The following FLNB variants were observed in gnomAD, a reference collection of about 807,000 sequenced individuals.
FLNB encodes filamin-B.
A neutral mutation model predicts 250.6 loss-of-function variants in FLNB; 111 were observed. That is an observed-to-expected ratio of 0.44 (90% CI 0.38 to 0.52). The LOEUF is 0.52. Among genes scored for constraint, FLNB ranks in the 20% least tolerant of loss-of-function variants. The pLI, the probability that FLNB is intolerant of heterozygous loss-of-function variation, is 0.00. For missense variants in FLNB, 2,869 were observed against 3,447.8 expected (o/e 0.83, Z 4.20); for synonymous variants, 1,302 against 1,372.1 (o/e 0.95, Z 1.13).
chr3:58,168,717 TCAATCATA>T, intron 44 of FLNB, 59 bp downstream of exon 44: 1 of 1,229,920 alleles, frequency 8.1e-7, no homozygotes, highest in Non-Finnish European at 1.2e-6. Flanking sequence ...TTGTGTCAGA[TCAATCATA>T]GTGGAAACTA....
At chr3:58,095,763 C>T (rs1522383) in intron 5 of FLNB, among the ~76,000 whole-genome samples, 64,794 of 152,122 alleles carry the variant, frequency 0.43, 15,348 homozygotes, top group East Asian at 0.92. Context: ...TTTCCCCCAC[C>T]GGGGCAGGGA....
chr3:58,113,112 T>C (rs2097271832), intron 18 of FLNB, among the ~76,000 whole-genome samples: 1 of 152,264 alleles, frequency 6.6e-6, no homozygotes, highest in African/African-American at 2.4e-5. Flanking sequence ...AGTGCATTCA[T>C]TATGTCGTGC....
At chr3:58,144,174 G>A (rs1485507942) in intron 32 of FLNB, among the ~76,000 whole-genome samples, 3 of 152,166 alleles carry the variant, frequency 2.0e-5, no homozygotes, top group South Asian at 2.1e-4. Context: ...AAAATGATAC[G>A]AAGAAAGTTT....
intron 12 of FLNB, among the ~76,000 whole-genome samples, chr3:58,107,270 A>G (rs2097261214): frequency 6.6e-6 from 1 of 152,064 alleles, no homozygotes; most frequent in South Asian, 2.1e-4. Context: ...GCCTCAAGTG[A>G]TCCACCCGCC....
chr3:58,121,362 T>C lies in FLNB; in HGVS notation c.2985T>C (p.Pro995=). 1 of 1,614,094 alleles carries C rather than the reference T, an allele frequency of 6.2e-7. No homozygotes were observed. The highest frequency in any genetic ancestry group is 8.5e-7 in the Non-Finnish European group (1 of 1,180,014). The part of the protein sequence containing the change: ...SRKVVPCLVT[P]VTGRENSTAK... ...AGGTCGTGCCATGCCTAGTGACACCTGTGACAGGCCGGGAGAACAGCACGG... is the reference window on the plus strand; with the variant it reads ...AGGTCGTGCCATGCCTAGTGACACCCGTGACAGGCCGGGAGAACAGCACGG... Residue 995 remains proline, a synonymous_variant, in exon 20 of 46, where the codon CCT becomes CCC. Coordinates refer to ENST00000295956, the MANE Select transcript of FLNB (RefSeq NM_001457.4).
intron 3 of FLNB, among the ~76,000 whole-genome samples, chr3:58,081,243 G>C (rs2097208908): frequency 6.6e-6 from 1 of 152,100 alleles, no homozygotes; most frequent in African/African-American, 2.4e-5. Flanking sequence ...TGGTTAACCT[G>C]TGCACTTTTT....
chr3:58,163,079 C>G, intron 42 of FLNB, 75 bp from the exon 43 acceptor site: 3 of 1,471,090 alleles, frequency 2.0e-6, no homozygotes, highest in Non-Finnish European at 2.9e-6. Flanking sequence ...AGCTTGGCCT[C>G]CATCCTTTAT....
intron 18 of FLNB, among the ~76,000 whole-genome samples, chr3:58,113,293 G>A (rs1047113125): frequency 2.0e-5 from 3 of 152,204 alleles, no homozygotes; most frequent in African/African-American, 4.8e-5. Flanking sequence ...CCTAGTGTTC[G>A]AAGTGGTTGT....
In FLNB at chr3:58,159,495, G is replaced by A. The variant is rs150264885; in HGVS notation, c.6889-59G>A. 5.7e-6 allele frequency: 9 copies of A among 1,586,334 alleles called. No individual in the cohort carries two copies. In the African/African-American group the frequency reaches 9.4e-5, roughly 17 times the overall value. On this transcript the variant is annotated intron_variant, in intron 41 of 45. Coordinates refer to ENST00000295956, the MANE Select transcript of FLNB (RefSeq NM_001457.4). ...ACCCACAGTTTTGGGTAGGGTCAGTGTGTGCCACTGAGCAGGAACGCCGAG... is the reference window on the plus strand; with the variant it reads ...ACCCACAGTTTTGGGTAGGGTCAGTATGTGCCACTGAGCAGGAACGCCGAG...
intron 4 of FLNB, among the ~76,000 whole-genome samples, chr3:58,093,752 G>A (rs1346222397): frequency 6.6e-6 from 1 of 151,870 alleles, no homozygotes; most frequent in Non-Finnish European, 1.5e-5. Context: ...TTAAACTGTG[G>A]TACATCTATA....
intron 1 of FLNB, among the ~76,000 whole-genome samples, chr3:58,038,969 G>A (rs1170073047): frequency 1.3e-5 from 2 of 151,308 alleles, no homozygotes; most frequent in African/African-American, 2.4e-5. Flanking sequence ...GCTCATGCCT[G>A]TAATCGCAGC....
intron 1 of FLNB, among the ~76,000 whole-genome samples, chr3:58,076,515 C>T (rs532241453): frequency 7.4e-4 from 113 of 152,242 alleles, no homozygotes; most frequent in Non-Finnish European, 1.4e-3. Context: ...AGTGCAGTGG[C>T]GTGACGTCAG....
intron 1 of FLNB, among the ~76,000 whole-genome samples, chr3:58,014,447 G>A (rs901619491): frequency 6.6e-6 from 1 of 152,254 alleles, no homozygotes; most frequent in Non-Finnish European, 1.5e-5. Flanking sequence ...CCAGATGGTG[G>A]TTGGGCCTCT....
At chr3:58,125,863 T>C in intron 23 of FLNB, 120 bp downstream of exon 23, 1 of 960,154 alleles carries the variant, frequency 1.0e-6, no homozygotes, top group Non-Finnish European at 1.6e-6. Context: ...ATGTATTTCC[T>C]TCTGTAGAGA....
chr3:58,041,431 T>C (rs2097145836), intron 1 of FLNB, among the ~76,000 whole-genome samples: 1 of 152,156 alleles, frequency 6.6e-6, no homozygotes, highest in African/African-American at 2.4e-5. Context: ...TGTCAGGGCC[T>C]CTGGGCTTTT....
At chr3:58,056,419 T>C (rs780354287) in intron 1 of FLNB, among the ~76,000 whole-genome samples, 4 of 151,776 alleles carry the variant, frequency 2.6e-5, no homozygotes, top group Admixed American at 6.6e-5. Flanking sequence ...GGATGTTTTT[T>C]AAGACCTTAG....
intron 4 of FLNB, among the ~76,000 whole-genome samples, chr3:58,084,771 T>G (rs1166923185): frequency 6.6e-6 from 1 of 152,114 alleles, no homozygotes; most frequent in East Asian, 1.9e-4. Context: ...CATTCTCCCC[T>G]CTCCTCTGCT....
At chr3:58,049,128 C>G (rs1309619962) in intron 1 of FLNB, among the ~76,000 whole-genome samples, 1 of 152,214 alleles carries the variant, frequency 6.6e-6, no homozygotes, top group Admixed American at 6.5e-5. Flanking sequence ...AGACAGCTCT[C>G]ACAAGTTACA....
intron 4 of FLNB, among the ~76,000 whole-genome samples, chr3:58,092,841 G>A (rs1006610700): frequency 3.9e-5 from 6 of 152,010 alleles, no homozygotes; most frequent in Non-Finnish European, 5.9e-5. Context: ...TCAGTATTTC[G>A]CTTCCGGTCA....
Sources: gnomAD v4.1 joint callset for allele counts (sites outside exome capture counted in the v4.1 genomes callset) on GRCh38, gnomAD v4.1.1 for gene constraint, MANE v1.5 for transcripts, NCBI Gene and HGNC (gene_info 2026-07-23, HGNC 2026-07-21) for gene names.